The following MED13L variants were observed in gnomAD, a reference collection of about 807,000 sequenced individuals.
MED13L encodes mediator of RNA polymerase II transcription subunit 13-like.
A neutral mutation model predicts 220.9 loss-of-function variants in MED13L; 7 were observed. The observed-to-expected ratio is 0.03, with a 90% confidence interval of 0.02 to 0.06. The LOEUF (loss-of-function observed/expected upper bound fraction) is 0.06. Among genes scored for constraint, MED13L ranks in the 10% least tolerant of loss-of-function variants. The probability of loss-of-function intolerance (pLI) is 1.00; values close to 1 mark genes in which losing one functional copy is unlikely to be tolerated. For missense variants in MED13L, 1,965 were observed against 2,760.5 expected, an observed-to-expected ratio of 0.71 and a Z score of 6.46; for synonymous variants, 1,011 against 1,015.2, an observed-to-expected ratio of 1.00 and a Z score of 0.08.
chr12:116,088,166 C>A (rs539421279), intron 4 of MED13L, among the ~76,000 whole-genome samples: 8 of 152,244 alleles, frequency 5.3e-5, no homozygotes, highest in Non-Finnish European at 5.9e-5. Flanking sequence ...CCTCCACCCC[C>A]CTTTTTAAAC....
At chr12:116,132,107 C>T (rs575438001) in intron 2 of MED13L, among the ~76,000 whole-genome samples, 9 of 151,906 alleles carry the variant, frequency 5.9e-5, no homozygotes, top group African/African-American at 1.2e-4. Flanking sequence ...TGTGAAACCC[C>T]GTCTCTACAA....
chr12:115,984,070 G>A (rs901549290), intron 20 of MED13L, 110 bp downstream of exon 20: 38 of 1,209,618 alleles, frequency 3.1e-5, no homozygotes, highest in Non-Finnish European at 4.0e-5. Context: ...AACAAATACA[G>A]CATTACTTGA....
chr12:116,133,885 G>GT (rs1876292365), intron 2 of MED13L, among the ~76,000 whole-genome samples: 1 of 152,156 alleles, frequency 6.6e-6, no homozygotes. Context: ...CTGGCCAACT[G>GT]TCTCAGCTGA....
At chr12:115,978,326 CTT>C (rs60887652) in intron 23 of MED13L, among the ~76,000 whole-genome samples, 17 of 132,132 alleles carry the variant, frequency 1.3e-4, no homozygotes, top group South Asian at 2.4e-4. Context: ...AATTTTTTTT[CTT>C]TTTTTTTTTT....
intron 4 of MED13L, among the ~76,000 whole-genome samples, chr12:116,043,248 T>C (rs1043122702): frequency 6.6e-6 from 1 of 151,912 alleles, no homozygotes; most frequent in African/African-American, 2.4e-5. Context: ...CAATAAGCAA[T>C]ACAGAAAAAA....
chr12:116,212,279 T>C (rs535053131), intron 2 of MED13L, among the ~76,000 whole-genome samples: 4 of 152,316 alleles, frequency 2.6e-5, no homozygotes, highest in African/African-American at 9.6e-5. Flanking sequence ...TAATATCCTC[T>C]TAGAAACAAA....
intron 1 of MED13L, among the ~76,000 whole-genome samples, chr12:116,270,502 T>C (rs1873215432): frequency 6.6e-6 from 1 of 152,142 alleles, no homozygotes. Flanking sequence ...AATTTTAAAC[T>C]ATTTTTCTAT....
At chr12:116,027,192 T>C (rs1053739174) in intron 4 of MED13L, among the ~76,000 whole-genome samples, 11 of 151,998 alleles carry the variant, frequency 7.2e-5, no homozygotes, top group African/African-American at 2.7e-4. Context: ...GGAGGCAGAG[T>C]TGGGCAGATC....
At position 115,961,416 on chromosome 12, in the gene MED13L, C is replaced by G. The variant is rs966579813; in HGVS notation, c.6501-18G>C. ...AAACAAACCTGCCAAAGAGAACACA[C>G]AGAGCAGGGGCGTGAGCCTCAAGAG... is the stretch of plus-strand genomic sequence containing the variant. On this transcript the variant is annotated intron_variant, in intron 30 of 30. Transcript: ENST00000281928. 8.7e-6 allele frequency: 14 copies of G among 1,612,962 alleles called. No homozygotes were observed. Among genetic ancestry groups the G allele is most frequent in the African/African-American group, 1.3e-5 (1 of 74,904 alleles).
At chr12:116,276,739 G>C in intron 1 of MED13L, 1 of 1,270,894 alleles carries the variant, frequency 7.9e-7, no homozygotes, top group South Asian at 1.5e-5. Flanking sequence ...GAAAGGGGAG[G>C]AGAAGGGGAG....
intron 2 of MED13L, among the ~76,000 whole-genome samples, chr12:116,226,774 C>G (rs1299136834): frequency 6.6e-6 from 1 of 150,580 alleles, no homozygotes; most frequent in Non-Finnish European, 1.5e-5. Context: ...GAGGCTGAGG[C>G]AGGGGAACTG....
intron 4 of MED13L, among the ~76,000 whole-genome samples, chr12:116,094,784 C>T (rs1371552319): frequency 6.6e-6 from 1 of 152,128 alleles, no homozygotes; most frequent in Non-Finnish European, 1.5e-5. Context: ...TTTAAGTCTG[C>T]AGAGTCATAA....
chr12:116,251,308 CTTTTTT>C (rs61533775), intron 1 of MED13L, among the ~76,000 whole-genome samples: 8 of 87,878 alleles, frequency 9.1e-5, no homozygotes, highest in Non-Finnish European at 1.3e-4. Flanking sequence ...ATCATGGATC[CTTTTTT>C]TTTTTTTTTT....
At chr12:116,276,680 G>C (rs1311928812) in intron 1 of MED13L, 7 of 1,186,946 alleles carry the variant, frequency 5.9e-6, no homozygotes, top group Non-Finnish European at 7.4e-6. Context: ...TCGGAGGCGC[G>C]GCAGCACAAG....
intron 2 of MED13L, among the ~76,000 whole-genome samples, chr12:116,199,682 T>C (rs1005437614): frequency 1.3e-5 from 2 of 152,162 alleles, no homozygotes; most frequent in Non-Finnish European, 2.9e-5. Flanking sequence ...ATCCATACTT[T>C]TTAAATGCTA....
chr12:116,106,779 G>A (rs939786383), intron 3 of MED13L, among the ~76,000 whole-genome samples: 1 of 151,002 alleles, frequency 6.6e-6, no homozygotes, highest in South Asian at 2.1e-4. Context: ...CCGAGAGGCA[G>A]AGATTGCAGT....
chr12:116,007,436 T>G lies in MED13L; in HGVS notation c.2213A>C (p.Glu738Ala). The G allele has an allele frequency of 6.2e-7, 1 of 1,613,614 alleles. No individual in the cohort carries two copies. The highest frequency in any genetic ancestry group is 8.5e-7 in the Non-Finnish European group (1 of 1,179,532). The change falls in exon 11 of 31, where the codon GAG becomes GCG. Residue 738 changes from glutamate to alanine, a missense_variant. Glu to Ala is a moderately radical substitution (Grantham distance 107). Transcript: ENST00000281928. ...TANKKCKQGTEKDSLKKNKSE... is the reference protein window; with the variant it reads ...TANKKCKQGTAKDSLKKNKSE... Reference sequence around the variant, plus strand: ...CTTATTCTTTTTCAGGGAATCTTTCTCCGTCCCTTGTTTGCATTTCTTGTT... The same window carrying G: ...CTTATTCTTTTTCAGGGAATCTTTCGCCGTCCCTTGTTTGCATTTCTTGTT...
At chr12:116,185,650 ATGCTTTTCTT>A (rs1028742656) in intron 2 of MED13L, among the ~76,000 whole-genome samples, 6 of 139,934 alleles carry the variant, frequency 4.3e-5, no homozygotes, top group Non-Finnish European at 9.3e-5. Context: ...TTTTCATCAC[ATGCTTTTCTT>A]TTCTTTTCTT....
chr12:116,261,069 A>G (rs1210859723), intron 1 of MED13L, among the ~76,000 whole-genome samples: 1 of 151,894 alleles, frequency 6.6e-6, no homozygotes, highest in Non-Finnish European at 1.5e-5. Context: ...TCACACCTCC[A>G]ATCACCACCG....
Sources: allele counts gnomAD v4.1 joint callset (sites outside exome capture counted in the v4.1 genomes callset), GRCh38; gene constraint gnomAD v4.1.1; transcripts MANE v1.5; gene names NCBI Gene and HGNC (gene_info 2026-07-23, HGNC 2026-07-21).